RASA2: variants seen among roughly 807,000 people sequenced by gnomAD.
The protein encoded by RASA2 is RAS p21 protein activator 2, also known as ras GTPase-activating protein 2.
A neutral mutation model predicts 118.2 loss-of-function variants in RASA2; 155 were observed. The ratio of observed to expected loss-of-function variants is 1.31; its 90% CI spans 1.15 to 1.50. The LOEUF is 1.50. RASA2 is among the 40% of genes most tolerant of loss of function. The pLI is 0.00. For synonymous variants in RASA2, 353 were observed against 349.1 expected (o/e 1.01, Z -0.12); for missense variants, 1,016 against 1,009.6 (o/e 1.01, Z -0.09).
intron 17 of RASA2, among the ~76,000 whole-genome samples, chr3:141,581,741 A>G (rs1273613333): frequency 1.3e-5 from 2 of 152,208 alleles, no homozygotes; most frequent in Admixed American, 1.3e-4. Context: ...TGAACAATAT[A>G]AATTTATGGT....
chr3:141,567,384 C>A (rs559508365), intron 9 of RASA2, among the ~76,000 whole-genome samples: 112 of 152,202 alleles, frequency 7.4e-4, no homozygotes, highest in African/African-American at 2.6e-3. Context: ...CATTGCACTC[C>A]AGCCTGGGTG....
chr3:141,606,179 T>G (rs1350844167), intron 19 of RASA2, among the ~76,000 whole-genome samples: 1 of 152,184 alleles, frequency 6.6e-6, no homozygotes, highest in African/African-American at 2.4e-5. Flanking sequence ...CCACTCCTAC[T>G]TTTGCAGATG....
intron 5 of RASA2, among the ~76,000 whole-genome samples, chr3:141,546,271 C>T (rs186063963): frequency 6.6e-6 from 1 of 152,260 alleles, no homozygotes; most frequent in East Asian, 1.9e-4. Flanking sequence ...CCAAACTGTT[C>T]TCCATAGTGG....
At chr3:141,566,742 T>C (rs2082825951) in intron 9 of RASA2, among the ~76,000 whole-genome samples, 1 of 152,206 alleles carries the variant, frequency 6.6e-6, no homozygotes, top group Non-Finnish European at 1.5e-5. Flanking sequence ...GTATGTATTT[T>C]TAAATTTTGT....
chr3:141,512,478 A>T (rs377745898), intron 2 of RASA2, among the ~76,000 whole-genome samples, 198 bp downstream of exon 2: 1 of 152,164 alleles, frequency 6.6e-6, no homozygotes, highest in Admixed American at 6.5e-5. Context: ...GTTTTTTCAC[A>T]TGACAGGCTA....
At chr3:141,586,374 G>A (rs1258958457) in intron 18 of RASA2, among the ~76,000 whole-genome samples, 1 of 152,084 alleles carries the variant, frequency 6.6e-6, no homozygotes, top group Non-Finnish European at 1.5e-5. Flanking sequence ...TAGTCTTAAT[G>A]TAAAGTGTTT....
intron 19 of RASA2, among the ~76,000 whole-genome samples, chr3:141,602,813 A>G (rs76954501): frequency 0.022 from 3,423 of 152,304 alleles, 138 homozygotes; most frequent in African/African-American, 0.077. Flanking sequence ...GAATACATTC[A>G]GAGTCACAGC....
intron 3 of RASA2, among the ~76,000 whole-genome samples, chr3:141,516,650 G>T (rs1322739784): frequency 6.6e-6 from 1 of 152,044 alleles, no homozygotes; most frequent in Non-Finnish European, 1.5e-5. Context: ...TAGTCACTAT[G>T]TCATATGTTT....
At chr3:141,494,928 T>G (rs975209156) in intron 1 of RASA2, among the ~76,000 whole-genome samples, 5 of 152,216 alleles carry the variant, frequency 3.3e-5, no homozygotes, top group African/African-American at 1.2e-4. Flanking sequence ...TTAAGTTGAT[T>G]GTGAGATCCA....
chr3:141,521,796 T>C (rs1252671735), intron 3 of RASA2, among the ~76,000 whole-genome samples: 3 of 152,116 alleles, frequency 2.0e-5, no homozygotes, highest in Admixed American at 6.5e-5. Context: ...TTAAACACAC[T>C]ACATACCCTT....
At chr3:141,501,897 A>G (rs1430137590) in intron 1 of RASA2, among the ~76,000 whole-genome samples, 1 of 152,056 alleles carries the variant, frequency 6.6e-6, no homozygotes, top group Non-Finnish European at 1.5e-5. Flanking sequence ...AAATGACAAA[A>G]TGTGCATATT....
At position 141,614,692 on chromosome 3, in the gene RASA2, G is replaced by A. The variant is rs1415340250; in HGVS notation, c.*2379G>A. The stretch of plus-strand genomic sequence containing the variant: ...TGTGGTGTGATCTGTTGCTTGTTTC[G>A]TTGTTGTTTTGTTTTTGTGTAGCTT... On this transcript the variant is annotated 3_prime_UTR_variant, in exon 24 of 24. Transcript: ENST00000286364. 3 of 152,070 alleles carry A rather than the reference G, an allele frequency of 2.0e-5. No individual in the cohort carries two copies. Among genetic ancestry groups the A allele is most frequent in the South Asian group, 2.1e-4 (1 of 4,828 alleles). 9.4% of individuals were successfully genotyped at this position (152,070 alleles called of 1,614,324 possible).
intron 3 of RASA2, among the ~76,000 whole-genome samples, chr3:141,524,698 C>G (rs977410319): frequency 2.0e-5 from 3 of 152,062 alleles, no homozygotes; most frequent in Admixed American, 6.5e-5. Flanking sequence ...TCAAGCAATT[C>G]TCTTGTCTCA....
At position 141,594,215 on chromosome 3, in the gene RASA2, A is replaced by G. The variant is rs1020274263; in HGVS notation, c.1933+7463A>G. Among the ~76,000 whole-genome samples, 50 of 152,184 alleles carry G rather than the reference A, an allele frequency of 3.3e-4. 2 individuals carry two copies. The highest frequency in any genetic ancestry group is 1.3e-4 in the Admixed American group (2 of 15,284). On this transcript the variant is annotated intron_variant, in intron 19 of 23. Transcript: ENST00000286364. ...GGTTCACTGAACTTGAAGATCGATC[A>G]GTAGAAATGAACCAATCTAGAACAC...
intron 1 of RASA2, among the ~76,000 whole-genome samples, chr3:141,497,321 T>TAA (rs71151492): frequency 7.1e-5 from 10 of 141,044 alleles, no homozygotes; most frequent in African/African-American, 2.6e-4. Context: ...TAAAGTATAA[T>TAA]AAAAAAAAAA....
At chr3:141,524,201 G>C (rs2082152884) in intron 3 of RASA2, among the ~76,000 whole-genome samples, 4 of 152,136 alleles carry the variant, frequency 2.6e-5, no homozygotes, top group Admixed American at 2.6e-4. Flanking sequence ...GGGGCTGGCT[G>C]GTCTGATTCA....
chr3:141,580,019 A>G (rs534293919), intron 15 of RASA2, among the ~76,000 whole-genome samples: 57 of 141,030 alleles, frequency 4.0e-4, no homozygotes, highest in African/African-American at 1.5e-3. Flanking sequence ...TTATGCCACT[A>G]CACTCCAGCC....
intron 14 of RASA2, among the ~76,000 whole-genome samples, chr3:141,574,693 C>T (rs1408403220): frequency 2.6e-5 from 4 of 152,052 alleles, no homozygotes; most frequent in African/African-American, 9.7e-5. Context: ...GCACTTATAC[C>T]AGATGCTTAT....
At chr3:141,602,043 A>C (rs1161138550) in intron 19 of RASA2, among the ~76,000 whole-genome samples, 2 of 152,274 alleles carry the variant, frequency 1.3e-5, no homozygotes, top group East Asian at 3.9e-4. Context: ...ATTTTTATTG[A>C]ATTATTTCAG....
Sources: gnomAD v4.1 joint callset for allele counts (sites outside exome capture counted in the v4.1 genomes callset) on GRCh38, gnomAD v4.1.1 for gene constraint, MANE v1.5 for transcripts, NCBI Gene and HGNC (gene_info 2026-07-23, HGNC 2026-07-21) for gene names.